Variants in MYO16 observed in about 807,000 individuals in gnomAD.
MYO16 encodes the protein unconventional myosin-XVI.
In MYO16, 94 loss-of-function variants were observed where a neutral mutation model predicts 205.3. The ratio of observed to expected loss-of-function variants is 0.46; its 90% CI spans 0.39 to 0.54. The LOEUF is 0.54. Among genes scored for constraint, MYO16 ranks in the 20% least tolerant of loss-of-function variants. The pLI is 0.00. For synonymous variants in MYO16, 988 were observed against 954.0 expected, an observed-to-expected ratio of 1.04 and a Z score of -0.66; for missense variants, 2,315 against 2,387.5, an observed-to-expected ratio of 0.97 and a Z score of 0.63.
chr13:108,596,196 AG>A (rs1332066495), exon 1 of MYO16: 2 of 152,068 alleles, frequency 1.3e-5, no homozygotes, highest in African/African-American at 4.8e-5. Flanking sequence ...AGATTTCCAA[AG>A]GTTGTATTTT....
chr13:108,710,146 TG>T (rs2139542579), intron 2 of MYO16, among the ~76,000 whole-genome samples: 1 of 152,290 alleles, frequency 6.6e-6, no homozygotes, highest in South Asian at 2.1e-4. Flanking sequence ...AGCTCTCCCT[TG>T]CCAGCTTCTG....
At chr13:108,812,771 A>G (rs1221276753) in intron 7 of MYO16, among the ~76,000 whole-genome samples, 4 of 152,160 alleles carry the variant, frequency 2.6e-5, no homozygotes, top group African/African-American at 7.2e-5. Flanking sequence ...TTTCACCCTC[A>G]TGAAAGGATT....
At chr13:108,862,252 T>C (rs1229097650) in intron 11 of MYO16, among the ~76,000 whole-genome samples, 1 of 152,164 alleles carries the variant, frequency 6.6e-6, no homozygotes, top group Non-Finnish European at 1.5e-5. Flanking sequence ...GAAAGCTGAA[T>C]TCTAGGGAAA....
chr13:108,945,704 C>T (rs1882912813), intron 16 of MYO16, among the ~76,000 whole-genome samples: 1 of 152,094 alleles, frequency 6.6e-6, no homozygotes, highest in African/African-American at 2.4e-5. Flanking sequence ...TATCCTATTA[C>T]TGATGTCATT....
the MYO16 span, among the ~76,000 whole-genome samples, chr13:108,528,600 C>G: frequency 1.5e-4 from 1 of 6,604 alleles, no homozygotes; most frequent in Non-Finnish European, 3.1e-4. Flanking sequence ...CCTCCTCTCC[C>G]CTCTCCTCTC....
chr13:108,814,831 A>G (rs1594315382), intron 7 of MYO16, among the ~76,000 whole-genome samples: 1 of 152,200 alleles, frequency 6.6e-6, no homozygotes, highest in Non-Finnish European at 1.5e-5. Flanking sequence ...CCTGGGCAAA[A>G]TGCTCAGCAT....
chr13:108,535,164 A>C, the MYO16 span, among the ~76,000 whole-genome samples: 2 of 150,636 alleles, frequency 1.3e-5, no homozygotes, highest in Admixed American at 6.6e-5. Flanking sequence ...CTCTTTTTAA[A>C]AATTTTTTTA....
intron 15 of MYO16, among the ~76,000 whole-genome samples, chr13:108,900,761 G>A (rs969028543): frequency 1.1e-4 from 16 of 152,188 alleles, no homozygotes; most frequent in East Asian, 1.9e-4. Context: ...TGAAATCTGG[G>A]CACCTTGAAA....
intron 1 of MYO16, among the ~76,000 whole-genome samples, chr13:108,621,995 C>G (rs1369675494): frequency 6.6e-6 from 1 of 151,960 alleles, no homozygotes; most frequent in African/African-American, 2.4e-5. Context: ...ATATAGGGCT[C>G]CATATTATCT....
chr13:108,861,913 G>A (rs923652971), intron 11 of MYO16, among the ~76,000 whole-genome samples: 19 of 151,878 alleles, frequency 1.3e-4, no homozygotes, highest in African/African-American at 4.4e-4. Context: ...TTCAAATAGC[G>A]TATTTAAAAG....
chr13:109,127,679 G>T lies in MYO16; in HGVS notation c.4051+129G>T, dbSNP rs1045940674. 3 of 903,088 alleles carry T rather than the reference G, an allele frequency of 3.3e-6. No homozygotes were observed. Among genetic ancestry groups the T allele is most frequent in the Admixed American group, 2.8e-5 (1 of 35,182 alleles). The allele number at this position is 903,088 out of a possible 1,614,324, so 55.9% of individuals were successfully genotyped here. On this transcript the variant is annotated intron_variant, in intron 31 of 34. Coordinates refer to ENST00000457511, the MANE Select transcript of MYO16 (RefSeq NM_001198950.3). The surrounding 1 kb of genome is among the most constrained non-coding windows in gnomAD (Gnocchi z 4.2). The stretch of plus-strand genomic sequence containing the variant: ...TAGAAATAAATCCAATTGTTGGCTT[G>T]CCAGCAGCTCTTAATCATTAAATAT...
At chr13:108,794,401 C>G (rs1008777616) in intron 6 of MYO16, among the ~76,000 whole-genome samples, 1 of 152,128 alleles carries the variant, frequency 6.6e-6, no homozygotes, top group Admixed American at 6.5e-5. Context: ...TTTCTTCAAG[C>G]CTTCCTCCTA....
intron 4 of MYO16, among the ~76,000 whole-genome samples, chr13:108,763,648 C>G (rs780993914): frequency 4.6e-5 from 7 of 152,094 alleles, no homozygotes; most frequent in Non-Finnish European, 8.8e-5. Context: ...AAAGCAAACA[C>G]CAGTTAACGA....
At chr13:108,887,863 A>G (rs1417182009) in intron 13 of MYO16, among the ~76,000 whole-genome samples, 1 of 152,100 alleles carries the variant, frequency 6.6e-6, no homozygotes, top group Non-Finnish European at 1.5e-5. Context: ...TCCACAGAAG[A>G]GGTAACGTCT....
chr13:109,200,960 C>T (rs1332510011), intron 34 of MYO16, among the ~76,000 whole-genome samples: 1 of 152,028 alleles, frequency 6.6e-6, no homozygotes, highest in East Asian at 1.9e-4. Flanking sequence ...GTCTATCAAA[C>T]ACTAGCATTG....
chr13:109,034,732 A>G (rs942367914), intron 23 of MYO16, among the ~76,000 whole-genome samples: 2 of 152,212 alleles, frequency 1.3e-5, no homozygotes, highest in East Asian at 1.9e-4. Flanking sequence ...TCCAAGGATG[A>G]TATTTTAATA....
intron 16 of MYO16, among the ~76,000 whole-genome samples, chr13:108,940,924 A>G (rs563441786): frequency 1.2e-4 from 19 of 152,364 alleles, no homozygotes; most frequent in Admixed American, 3.9e-4. Flanking sequence ...TTCAAAGTCA[A>G]TTAAACAAAA....
At chr13:108,610,401 G>C (rs971006908) in intron 1 of MYO16, among the ~76,000 whole-genome samples, 2 of 151,884 alleles carry the variant, frequency 1.3e-5, no homozygotes, top group African/African-American at 2.4e-5. Flanking sequence ...TTCTTGTACT[G>C]TACTTCAAAA....
chr13:108,789,450 A>T (rs1190625559), intron 5 of MYO16, among the ~76,000 whole-genome samples: 1 of 152,052 alleles, frequency 6.6e-6, no homozygotes, highest in East Asian at 1.9e-4. Context: ...TCAGTTCATG[A>T]ATGTCATGTG....
Sources: allele counts gnomAD v4.1 joint callset (sites outside exome capture counted in the v4.1 genomes callset), GRCh38; gene constraint gnomAD v4.1.1; non-coding constraint Gnocchi (gnomAD v3.1); transcripts MANE v1.5; gene names NCBI Gene and HGNC (gene_info 2026-07-23, HGNC 2026-07-21).